The following FRMPD4 variants were observed in gnomAD, a reference collection of about 807,000 sequenced individuals.
FRMPD4 encodes FERM and PDZ domain containing 4.
Under a neutral mutation model 94.1 loss-of-function variants are expected in FRMPD4, and 22 were observed. That is an observed-to-expected ratio of 0.23 (90% CI 0.17 to 0.33). The LOEUF (loss-of-function observed/expected upper bound fraction) is 0.33. Among genes scored for constraint, FRMPD4 ranks in the 10% least tolerant of loss-of-function variants. The probability of loss-of-function intolerance (pLI) is 1.00; values close to 1 mark genes in which losing one functional copy is unlikely to be tolerated. For synonymous variants in FRMPD4, 631 were observed against 548.6 expected (o/e 1.15, Z -2.10); for missense variants, 1,111 against 1,339.9 (o/e 0.83, Z 2.67).
chrX:12,583,509 T>C, intron 2 of FRMPD4: 1 of 1,125,185 alleles, frequency 8.9e-7, no homozygotes, highest in Non-Finnish European at 1.2e-6. Flanking sequence ...TATTTCTACG[T>C]GCCGGGAGCG....
chrX:11,947,716 G>T (rs1405067297), intron 3 of FRMPD4, among the ~76,000 whole-genome samples: 1 of 111,440 alleles, frequency 9.0e-6, no homozygotes, highest in African/African-American at 3.3e-5. Flanking sequence ...ATTTGAACAC[G>T]TAAGGCTCTT....
intron 3 of FRMPD4, among the ~76,000 whole-genome samples, chrX:12,035,191 G>C (rs1289940510): frequency 8.9e-6 from 1 of 112,116 alleles, no homozygotes; most frequent in Non-Finnish European, 1.9e-5. Context: ...GGAAATAACA[G>C]TATAATTTTT....
intron 1 of FRMPD4, among the ~76,000 whole-genome samples, chrX:12,374,219 G>A (rs2056201727): frequency 8.9e-6 from 1 of 112,163 alleles, no homozygotes; most frequent in African/African-American, 3.2e-5. Context: ...ATGCAACTAG[G>A]AGCTGTTGAT....
chrX:12,077,424 A>G (rs2055028772), intron 3 of FRMPD4, among the ~76,000 whole-genome samples: 2 of 112,011 alleles, frequency 1.8e-5, no homozygotes, highest in East Asian at 5.6e-4. Flanking sequence ...TAATGGCACA[A>G]GGAAGGGAGT....
intron 3 of FRMPD4, among the ~76,000 whole-genome samples, chrX:11,943,374 T>C (rs1298585738): frequency 8.9e-6 from 1 of 111,920 alleles, no homozygotes; most frequent in Non-Finnish European, 1.9e-5. Context: ...TATTTATTTT[T>C]ATTTACTTTT....
intron 1 of FRMPD4, among the ~76,000 whole-genome samples, chrX:12,151,591 TA>T (rs988706159): frequency 2.7e-5 from 3 of 112,207 alleles, no homozygotes; most frequent in Non-Finnish European, 5.6e-5. Context: ...AGAATGTATT[TA>T]AAAAGATATA....
intron 3 of FRMPD4, among the ~76,000 whole-genome samples, chrX:12,116,917 T>A (rs1040515161): frequency 1.8e-5 from 2 of 112,532 alleles, no homozygotes; most frequent in Admixed American, 9.4e-5. Flanking sequence ...GGCCCATTAA[T>A]CTTTTTTAAA....
chrX:12,611,819 C>A (rs1225362278), intron 3 of FRMPD4, among the ~76,000 whole-genome samples: 1 of 109,639 alleles, frequency 9.1e-6, no homozygotes, highest in East Asian at 2.8e-4. Context: ...GATTGTTGAG[C>A]TCGACACAAT....
intron 3 of FRMPD4, among the ~76,000 whole-genome samples, chrX:11,959,987 T>C (rs1354912554): frequency 9.0e-6 from 1 of 111,347 alleles, no homozygotes; most frequent in African/African-American, 3.3e-5. Context: ...GTGTTTCAAA[T>C]GATGGGGCAT....
chrX:11,914,542 T>C (rs1352085959), intron 3 of FRMPD4, among the ~76,000 whole-genome samples: 2 of 111,880 alleles, frequency 1.8e-5, no homozygotes, highest in Non-Finnish European at 3.8e-5. Context: ...GCCACCACTT[T>C]GCAACTCCTG....
intron 1 of FRMPD4, among the ~76,000 whole-genome samples, chrX:12,478,168 A>G (rs896137840): frequency 8.9e-6 from 1 of 112,206 alleles, no homozygotes; most frequent in East Asian, 2.8e-4. Context: ...ATGTGCCTCA[A>G]TTGGCACCTT....
intron 1 of FRMPD4, among the ~76,000 whole-genome samples, chrX:11,840,078 T>C (rs912078828): frequency 4.5e-5 from 5 of 111,779 alleles, no homozygotes; most frequent in Non-Finnish European, 7.5e-5. Context: ...ATATAAATTT[T>C]AGAATCAGTT....
At chrX:12,647,958 A>T (rs2059563053) in intron 4 of FRMPD4, among the ~76,000 whole-genome samples, 1 of 111,498 alleles carries the variant, frequency 9.0e-6, no homozygotes, top group African/African-American at 3.3e-5. Flanking sequence ...CACACTCTGG[A>T]TAAAAATCAG....
In FRMPD4 at chrX:12,088,011, C is replaced by T. The variant is rs147529045; in HGVS notation, c.95+209993C>T. On this transcript the variant is annotated intron_variant, in intron 3 of 18. Coordinates refer to the FRMPD4 transcript ENST00000640291. ...GCCCCTGAAGGGTGTAAACTCTGGA[C>T]CTGTCCCAGGGAGCTTTGTTAATTC... Among the ~76,000 whole-genome samples the T allele has an allele frequency of 4.7e-3, 526 of 112,524 alleles. 1 individual carries two copies. The highest frequency in any genetic ancestry group is 0.016 in the African/African-American group (505 of 30,992).
chrX:12,691,743 A>C (rs893957331), intron 8 of FRMPD4, among the ~76,000 whole-genome samples: 2 of 110,126 alleles, frequency 1.8e-5, no homozygotes, highest in African/African-American at 6.6e-5. Context: ...TAAAGAATGT[A>C]TTATCAAACC....
intron 3 of FRMPD4, among the ~76,000 whole-genome samples, chrX:11,902,813 A>G (rs2053945604): frequency 9.0e-6 from 1 of 111,655 alleles, no homozygotes. Context: ...GAATTCTCAA[A>G]AGGAACATGA....
At chrX:12,654,313 T>C (rs1337386818) in intron 4 of FRMPD4, among the ~76,000 whole-genome samples, 1 of 111,598 alleles carries the variant, frequency 9.0e-6, no homozygotes, top group Non-Finnish European at 1.9e-5. Context: ...CTTTTTCAAT[T>C]TGTCCCTCAT....
intron 5 of FRMPD4, among the ~76,000 whole-genome samples, chrX:12,677,263 C>A (rs2059908539): frequency 9.0e-6 from 1 of 111,025 alleles, no homozygotes; most frequent in Non-Finnish European, 1.9e-5. Context: ...CAGCTGAGAA[C>A]CACTGTCCCA....
chrX:12,180,780 G>A (rs141298718), intron 1 of FRMPD4, among the ~76,000 whole-genome samples: 1 of 112,523 alleles, frequency 8.9e-6, no homozygotes, highest in African/African-American at 3.2e-5. Flanking sequence ...GCCATAGACA[G>A]TATGGAATGA....
Sources: allele counts gnomAD v4.1 joint callset (sites outside exome capture counted in the v4.1 genomes callset), GRCh38; gene constraint gnomAD v4.1.1; transcripts MANE v1.5; gene names NCBI Gene and HGNC (gene_info 2026-07-23, HGNC 2026-07-21).